Variants in CBLB observed in about 807,000 individuals in gnomAD.
CBLB encodes E3 ubiquitin-protein ligase CBL-B.
CBLB carries 31 observed loss-of-function variants against 104.9 expected under a neutral mutation model. That is an observed-to-expected ratio of 0.30 (90% CI 0.22 to 0.40). The LOEUF (loss-of-function observed/expected upper bound fraction) is 0.40, where lower values mean the gene tolerates loss of function less well. CBLB is among the 10% of genes least tolerant of loss of function. The pLI, the probability that CBLB is intolerant of heterozygous loss-of-function variation, is 1.00. For synonymous variants in CBLB, 440 were observed against 422.6 expected (o/e 1.04, Z -0.51); for missense variants, 1,062 against 1,214.6 (o/e 0.87, Z 1.87).
chr3:105,769,877 A>C (rs2078655448), intron 4 of CBLB, among the ~76,000 whole-genome samples: 2 of 152,284 alleles, frequency 1.3e-5, no homozygotes. Flanking sequence ...CCTAAGAACA[A>C]TAGGATAGGT....
chr3:105,691,751 G>T (rs989603936), intron 13 of CBLB, among the ~76,000 whole-genome samples: 5 of 152,062 alleles, frequency 3.3e-5, no homozygotes, highest in African/African-American at 1.2e-4. Context: ...TAAATATCTC[G>T]CAGTTCCAAG....
At chr3:105,835,454 C>A (rs2088320093) in intron 3 of CBLB, among the ~76,000 whole-genome samples, 1 of 152,082 alleles carries the variant, frequency 6.6e-6, no homozygotes, top group Non-Finnish European at 1.5e-5. Flanking sequence ...ATATTTAAAT[C>A]TTTAATTCAA....
chr3:105,784,033 G>A (rs2080647585), intron 3 of CBLB, among the ~76,000 whole-genome samples: 1 of 152,072 alleles, frequency 6.6e-6, no homozygotes, highest in African/African-American at 2.4e-5. Flanking sequence ...TCAACAAATG[G>A]TTTTAATCCG....
In CBLB at chr3:105,658,994, T is replaced by C. The variant is rs1329359186; in HGVS notation, c.2925A>G (p.Pro975=). 1 of 1,614,000 alleles carries C rather than the reference T, an allele frequency of 6.2e-7. No homozygotes were observed. Among genetic ancestry groups the C allele is most frequent in the African/African-American group, 1.3e-5 (1 of 75,042 alleles). ...GCTATAGATTTAGACGTGGGGATACTGGAGGAGGGAAGGCAAATTCTCGGA... is the reference window on the plus strand; with the variant it reads ...GCTATAGATTTAGACGTGGGGATACCGGAGGAGGGAAGGCAAATTCTCGGA... ...SILREFAFPP[P]VSPRLNL The change falls in exon 19 of 19, where the codon CCA becomes CCG. Residue 975 remains proline, a synonymous_variant. Coordinates refer to ENST00000394030, the MANE Select transcript of CBLB (RefSeq NM_170662.5).
chr3:105,785,437 A>G (rs776737227), intron 3 of CBLB, among the ~76,000 whole-genome samples: 1 of 152,004 alleles, frequency 6.6e-6, no homozygotes, highest in Non-Finnish European at 1.5e-5. Context: ...TTCTTTCTTC[A>G]TGAATGGTAA....
At chr3:105,799,432 A>G (rs1235404302) in intron 3 of CBLB, among the ~76,000 whole-genome samples, 2 of 152,184 alleles carry the variant, frequency 1.3e-5, no homozygotes, top group Non-Finnish European at 2.9e-5. Context: ...ATGAGGCAAC[A>G]GTTGCATCAT....
intron 3 of CBLB, among the ~76,000 whole-genome samples, chr3:105,840,305 G>T (rs2089348958): frequency 6.6e-6 from 1 of 151,768 alleles, no homozygotes; most frequent in African/African-American, 2.4e-5. Context: ...GAAAGGAAGA[G>T]ATATTTACAG....
At chr3:105,695,703 C>T (rs886093344) in intron 12 of CBLB, among the ~76,000 whole-genome samples, 5 of 151,746 alleles carry the variant, frequency 3.3e-5, no homozygotes, top group African/African-American at 1.2e-4. Flanking sequence ...TCTATGGCCA[C>T]TGAAATGCTG....
intron 3 of CBLB, among the ~76,000 whole-genome samples, chr3:105,834,985 T>G (rs1401949449): frequency 6.6e-6 from 1 of 152,218 alleles, no homozygotes; most frequent in East Asian, 1.9e-4. Context: ...GTGTACAAAC[T>G]ATGTAACATT....
chr3:105,668,605 T>C (rs1332629258), intron 18 of CBLB, among the ~76,000 whole-genome samples: 1 of 152,216 alleles, frequency 6.6e-6, no homozygotes, highest in Non-Finnish European at 1.5e-5. Flanking sequence ...CATCAAATTA[T>C]TTTGACTGGA....
In CBLB at chr3:105,670,251, G is replaced by A; in HGVS notation, c.2671C>T (p.Gln891Ter). The A allele has an allele frequency of 6.2e-7, 1 of 1,613,068 alleles. No individual in the cohort carries two copies. The highest frequency in any genetic ancestry group is 8.5e-7 in the Non-Finnish European group (1 of 1,179,236). ...AACTCACCTGAACATGAAGGAAGCT[G>A]ATCATAGTCCTGTGATGTTCTGTTA... is the stretch of plus-strand genomic sequence containing the variant. Reference protein sequence around the residue: ...KTNRTSQDYDQLPSCSDGSQA... With the variant: ...KTNRTSQDYD Residue 891 changes from glutamine to a stop codon, truncating the protein, a stop_gained, in exon 18 of 19, where the codon CAG becomes TAG. Transcript: ENST00000394030. LOFTEE classifies it high-confidence loss of function.
In CBLB at chr3:105,868,912, C is replaced by T. The variant is rs1389808273; in HGVS notation, c.-191G>A. 1 of 1,012,630 alleles carries T rather than the reference C, an allele frequency of 9.9e-7. No individual in the cohort carries two copies. The highest frequency in any genetic ancestry group is 1.2e-6 in the Non-Finnish European group (1 of 847,698). The allele number at this position is 1,012,630 out of a possible 1,614,324, so 62.7% of individuals were successfully genotyped here. A position where few individuals can be genotyped will look rare whatever the true frequency, so the allele number is the denominator to read the frequency against. On this transcript the variant is annotated 5_prime_UTR_variant, in exon 1 of 19. Transcript: ENST00000394030. ...CGAGACGTGGAAACGCAACAATTACCGTCAAGACAAATCCACACCCGCTCT... is the reference window on the plus strand; with the variant it reads ...CGAGACGTGGAAACGCAACAATTACTGTCAAGACAAATCCACACCCGCTCT...
intron 10 of CBLB, among the ~76,000 whole-genome samples, chr3:105,707,887 A>G (rs1191098683): frequency 6.6e-6 from 1 of 152,108 alleles, no homozygotes; most frequent in African/African-American, 2.4e-5. Context: ...CATCAATTCA[A>G]TGTAGACCAA....
intron 3 of CBLB, among the ~76,000 whole-genome samples, chr3:105,784,635 C>T (rs1467915692): frequency 6.6e-6 from 1 of 152,148 alleles, no homozygotes; most frequent in African/African-American, 2.4e-5. Flanking sequence ...TTCTGATCCT[C>T]CACCTTAATT....
chr3:105,689,799 T>C (rs1354695610), intron 13 of CBLB, among the ~76,000 whole-genome samples: 1 of 151,984 alleles, frequency 6.6e-6, no homozygotes, highest in Non-Finnish European at 1.5e-5. Context: ...CCCATGTTTC[T>C]AGGATTTACT....
At chr3:105,840,048 G>A (rs1156677346) in intron 3 of CBLB, among the ~76,000 whole-genome samples, 1 of 152,050 alleles carries the variant, frequency 6.6e-6, no homozygotes, top group Non-Finnish European at 1.5e-5. Flanking sequence ...CTGGAAAAAA[G>A]AATAAAATTG....
At chr3:105,819,084 A>G (rs2085457672) in intron 3 of CBLB, among the ~76,000 whole-genome samples, 5 of 152,256 alleles carry the variant, frequency 3.3e-5, no homozygotes, top group Admixed American at 3.3e-4. Flanking sequence ...GATATAACTT[A>G]AATCTAGCTT....
chr3:105,790,061 A>C (rs1259487059), intron 3 of CBLB, among the ~76,000 whole-genome samples: 1 of 152,232 alleles, frequency 6.6e-6, no homozygotes, highest in African/African-American at 2.4e-5. Flanking sequence ...CAAGACTTGC[A>C]GGACTTAATC....
Position 105,681,595 on chromosome 3 carries a change from G to A in CBLB, c.2312C>T (p.Ser771Leu). Reference sequence around the variant, plus strand: ...TGGTAATGGCACGGGATCAGAGGCTGAATCAAAAACATCTCCTAGAGGATA... The same window carrying A: ...TGGTAATGGCACGGGATCAGAGGCTAAATCAAAAACATCTCCTAGAGGATA... ...SIYLKGDVFD[S>L]ASDPVPLPPA... The change falls in exon 16 of 19, where the codon TCA (serine) becomes TTA (leucine). Residue 771 changes from serine (S) to leucine (L), a missense_variant. By Grantham distance (145) the Ser-to-Leu change is moderately radical. This residue lies in a region of CBLB where 605 missense variants were observed against 582.6 expected (regional missense o/e 1.04). Transcript: ENST00000394030. The A allele has an allele frequency of 6.2e-7, 1 of 1,614,072 alleles. No homozygotes were observed. The highest frequency in any genetic ancestry group is 8.5e-7 in the Non-Finnish European group (1 of 1,179,966).
Sources: allele counts gnomAD v4.1 joint callset (sites outside exome capture counted in the v4.1 genomes callset), GRCh38; gene constraint gnomAD v4.1.1; regional missense constraint gnomAD v4.1.1; transcripts MANE v1.5; gene names NCBI Gene and HGNC (gene_info 2026-07-23, HGNC 2026-07-21).